PRIM2: variants seen among roughly 807,000 people sequenced by gnomAD.
PRIM2 encodes DNA primase large subunit.
In PRIM2, 39 loss-of-function variants were observed where a neutral mutation model predicts 67.3. The observed-to-expected ratio is 0.58, with a 90% CI of 0.45 to 0.76. The LOEUF (loss-of-function observed/expected upper bound fraction) is 0.76, where lower values mean the gene tolerates loss of function less well. PRIM2 is among the 30% of genes least tolerant of loss of function. The pLI, the probability that PRIM2 is intolerant of heterozygous loss-of-function variation, is 0.00. For synonymous variants in PRIM2, 143 were observed against 198.7 expected, an observed-to-expected ratio of 0.72 and a Z score of 2.36; for missense variants, 398 against 598.7, an observed-to-expected ratio of 0.66 and a Z score of 3.50.
chr6:57,384,485 T>G (rs1223693437), intron 7 of PRIM2, among the ~76,000 whole-genome samples: 1 of 152,184 alleles, frequency 6.6e-6, no homozygotes, highest in Non-Finnish European at 1.5e-5. Context: ...TATTTCTAAA[T>G]AAGGTCACAT....
chr6:57,363,863 C>T (rs1001965819), intron 5 of PRIM2, among the ~76,000 whole-genome samples: 1 of 152,122 alleles, frequency 6.6e-6, no homozygotes, highest in Non-Finnish European at 1.5e-5. Context: ...TGTTCTTTCT[C>T]CTCTCTGTCT....
chr6:57,279,935 A>G, the PRIM2 span, among the ~76,000 whole-genome samples: 1 of 152,150 alleles, frequency 6.6e-6, no homozygotes, highest in Non-Finnish European at 1.5e-5. Flanking sequence ...CAGACTGAAG[A>G]CACCCTATAC....
chr6:57,384,615 C>G lies in PRIM2; in HGVS notation c.693+2447C>G, dbSNP rs553112476. On this transcript the variant is annotated intron_variant, in intron 7 of 13. Coordinates refer to ENST00000615550, the MANE Select transcript of PRIM2 (RefSeq NM_000947.5). ...TTTAAGGGATAGCCTAGCCTAAGAT[C>G]ATGTGTCTGCCCCTTTAGATGGGGT... Among the ~76,000 whole-genome samples, 994 of 152,186 alleles carry G rather than the reference C, an allele frequency of 6.5e-3. 5 individuals carry two copies. The highest frequency in any genetic ancestry group is 8.0e-3 in the Non-Finnish European group (541 of 68,012).
chr6:57,556,316 A>C (rs1392258377), intron 10 of PRIM2, among the ~76,000 whole-genome samples: 1 of 142,540 alleles, frequency 7.0e-6, no homozygotes, highest in African/African-American at 2.7e-5. Flanking sequence ...TGGAACCAAA[A>C]AGGCCTTAGT....
At chr6:57,485,929 A>G (rs1206870085) in intron 7 of PRIM2, among the ~76,000 whole-genome samples, 3 of 152,234 alleles carry the variant, frequency 2.0e-5, no homozygotes, top group African/African-American at 7.2e-5. Context: ...AAAGCAGCAT[A>G]GGAGTGTGTG....
intron 7 of PRIM2, among the ~76,000 whole-genome samples, chr6:57,470,256 C>T (rs1773303360): frequency 6.6e-6 from 1 of 151,336 alleles, no homozygotes; most frequent in South Asian, 2.1e-4. Flanking sequence ...CTGGATAACC[C>T]TGTTGTACTT....
At chr6:57,461,267 T>G (rs1482161732) in intron 7 of PRIM2, among the ~76,000 whole-genome samples, 4 of 152,142 alleles carry the variant, frequency 2.6e-5, no homozygotes, top group African/African-American at 9.7e-5. Flanking sequence ...CTGGCTGTCT[T>G]GTTGTTTAGC....
chr6:57,273,894 C>A, the PRIM2 span, among the ~76,000 whole-genome samples: 50 of 152,322 alleles, frequency 3.3e-4, no homozygotes, highest in East Asian at 9.6e-3. Flanking sequence ...GAGGTCCACT[C>A]CAGACCCTGT....
intron 10 of PRIM2, among the ~76,000 whole-genome samples, chr6:57,594,778 T>C (rs1191571513): frequency 1.3e-5 from 2 of 152,116 alleles, no homozygotes; most frequent in African/African-American, 4.8e-5. Flanking sequence ...GCACTACCAT[T>C]AAAAAGTTGA....
chr6:57,439,038 C>T (rs1253381931), intron 7 of PRIM2, among the ~76,000 whole-genome samples: 1 of 152,048 alleles, frequency 6.6e-6, no homozygotes, highest in Non-Finnish European at 1.5e-5. Flanking sequence ...GGAAATGTTG[C>T]ATCTTAGGAT....
intron 5 of PRIM2, among the ~76,000 whole-genome samples, chr6:57,345,765 C>T (rs1386980586): frequency 2.0e-5 from 3 of 152,100 alleles, no homozygotes; most frequent in Non-Finnish European, 4.4e-5. Flanking sequence ...GGCAGAGTAG[C>T]CCTACGGGCT....
At chr6:57,538,893 A>G (rs1775074621) in intron 10 of PRIM2, among the ~76,000 whole-genome samples, 1 of 152,142 alleles carries the variant, frequency 6.6e-6, no homozygotes, top group Non-Finnish European at 1.5e-5. Flanking sequence ...ATCTGATCTC[A>G]TTTAACCTTA....
intron 7 of PRIM2, among the ~76,000 whole-genome samples, chr6:57,475,313 A>G (rs1448865038): frequency 6.6e-6 from 1 of 152,158 alleles, no homozygotes; most frequent in Non-Finnish European, 1.5e-5. Flanking sequence ...ATTTCAAAAC[A>G]TTTTCATCAT....
At chr6:57,456,730 C>T (rs1261876067) in intron 7 of PRIM2, among the ~76,000 whole-genome samples, 80,945 of 151,672 alleles carry the variant, frequency 0.53, 22,185 homozygotes, top group South Asian at 0.63. Context: ...GCCATGGGTT[C>T]GAACTTCCTC....
chr6:57,222,440 G>A, the PRIM2 span: 3 of 152,450 alleles, frequency 2.0e-5, no homozygotes, highest in South Asian at 6.2e-4. Flanking sequence ...GGGGAGATCA[G>A]AGACGAGCAG....
the PRIM2 span, among the ~76,000 whole-genome samples, chr6:57,293,018 A>T: frequency 6.6e-6 from 1 of 152,354 alleles, no homozygotes; most frequent in South Asian, 2.1e-4. Flanking sequence ...GAGCTTCTGC[A>T]CAGCAAAAGA....
chr6:57,286,787 T>G, the PRIM2 span, among the ~76,000 whole-genome samples: 1 of 152,106 alleles, frequency 6.6e-6, no homozygotes, highest in Non-Finnish European at 1.5e-5. Context: ...AAGCTTCTGC[T>G]CAGCAAAAGA....
At chr6:57,426,729 T>G (rs1419831970) in intron 7 of PRIM2, among the ~76,000 whole-genome samples, 3 of 152,210 alleles carry the variant, frequency 2.0e-5, no homozygotes, top group Non-Finnish European at 4.4e-5. Flanking sequence ...AGCCACAAAT[T>G]AGAATCAAAT....
intron 7 of PRIM2, among the ~76,000 whole-genome samples, chr6:57,420,242 T>C (rs1404564892): frequency 1.3e-5 from 2 of 152,196 alleles, no homozygotes; most frequent in African/African-American, 4.8e-5. Flanking sequence ...CAGTGGCTCG[T>C]GCCTGTAATC....
Sources: allele counts gnomAD v4.1 joint callset (sites outside exome capture counted in the v4.1 genomes callset), GRCh38; gene constraint gnomAD v4.1.1; transcripts MANE v1.5; gene names NCBI Gene and HGNC (gene_info 2026-07-23, HGNC 2026-07-21).